APP: variants seen among roughly 807,000 people sequenced by gnomAD.
APP encodes amyloid beta precursor protein.
In APP, 31 loss-of-function variants were observed where a neutral mutation model predicts 101.4. The observed-to-expected ratio is 0.31, with a 90% confidence interval of 0.23 to 0.41. The LOEUF is 0.41. Among genes scored for constraint, APP ranks in the 10% least tolerant of loss-of-function variants. The pLI is 1.00. For missense variants in APP, 839 were observed against 1,003.7 expected, an observed-to-expected ratio of 0.84 and a Z score of 2.22; for synonymous variants, 366 against 364.4, an observed-to-expected ratio of 1.00 and a Z score of -0.05.
intron 13 of APP, chr21:25,942,488 C>A (rs187378715): frequency 6.6e-6 from 1 of 152,306 alleles, no homozygotes; most frequent in South Asian, 2.1e-4. Flanking sequence ...AACGAGACTA[C>A]CAAATGCTAC....
chr21:25,981,553 T>C (rs997755862), intron 9 of APP, among the ~76,000 whole-genome samples: 14 of 152,248 alleles, frequency 9.2e-5, no homozygotes, highest in Non-Finnish European at 1.8e-4. Flanking sequence ...AAATCCTCCA[T>C]ATTATCAAAC....
chr21:26,039,151 C>A (rs886724291), intron 5 of APP, among the ~76,000 whole-genome samples: 2 of 152,184 alleles, frequency 1.3e-5, no homozygotes, highest in Non-Finnish European at 2.9e-5. Flanking sequence ...TGCAATACTG[C>A]CCTTTCCTTC....
intron 15 of APP, among the ~76,000 whole-genome samples, chr21:25,903,291 C>A (rs1305163377): frequency 6.6e-6 from 1 of 151,114 alleles, no homozygotes; most frequent in Non-Finnish European, 1.5e-5. Context: ...ATTGCTTGAA[C>A]CCCCGAGGCA....
In APP at chr21:25,982,446, G is replaced by A. The variant is rs780257087; in HGVS notation, c.1122C>T (p.Ala374=). Residue 374 remains alanine, a synonymous_variant, in exon 9 of 18, where the codon GCC becomes GCT. Transcript: ENST00000346798. ...CAGGTGTCTCGAGATACTTGTCAAC[G>A]GCATCAGGGGTACTGGCTGCTGTTG... ...LPTTAASTPD[A]VDKYLETPGD... is the part of the protein sequence containing the mutation. 24 of 1,613,588 alleles carry A rather than the reference G, an allele frequency of 1.5e-5. No homozygotes were observed. The highest frequency in any genetic ancestry group is 9.4e-5 in the African/African-American group (7 of 74,826).
intron 13 of APP, among the ~76,000 whole-genome samples, chr21:25,930,659 TATATATG>T (rs1390212421): frequency 6.6e-6 from 1 of 152,190 alleles, no homozygotes; most frequent in Non-Finnish European, 1.5e-5. Context: ...ATCATCCTTG[TATATATG>T]ATAGCTCATT....
At chr21:26,038,506 G>C (rs1038421493) in intron 5 of APP, among the ~76,000 whole-genome samples, 5 of 152,202 alleles carry the variant, frequency 3.3e-5, no homozygotes, top group African/African-American at 1.2e-4. Context: ...TCTCACGCCT[G>C]TAATCCCAGC....
rs991789716 is a variant in APP, at chr21:25,930,381, C to T, written c.1688-18419G>A. The stretch of plus-strand genomic sequence containing the variant: ...ACTCCGCCATGCTGTGAAGAAAGTG[C>T]ATTCTAATTGATTCATGTTGATACA... On this transcript the variant is annotated intron_variant, in intron 13 of 17. Transcript: ENST00000346798. Among the ~76,000 whole-genome samples the T allele has an allele frequency of 1.2e-4, 19 of 152,250 alleles. No individual in the cohort carries two copies. In the East Asian group the frequency reaches 3.5e-3, roughly 28 times the overall value.
chr21:25,935,723 C>G (rs1403673931), intron 13 of APP, among the ~76,000 whole-genome samples: 1 of 151,234 alleles, frequency 6.6e-6, no homozygotes, highest in East Asian at 1.9e-4. Flanking sequence ...GCCTATAATC[C>G]CAGCTACTCA....
chr21:26,143,720 C>T (rs2146317713), intron 1 of APP, among the ~76,000 whole-genome samples: 1 of 152,304 alleles, frequency 6.6e-6, no homozygotes, highest in Middle Eastern at 3.4e-3. Context: ...CACATCCAAA[C>T]CCTGGTAACA....
intron 11 of APP, among the ~76,000 whole-genome samples, chr21:25,965,788 T>TA (rs2041774414): frequency 1.3e-5 from 2 of 152,240 alleles, no homozygotes; most frequent in Non-Finnish European, 2.9e-5. Context: ...TCTTTAAATG[T>TA]GCTATTTGTC....
chr21:25,911,900 G>C lies in APP; in HGVS notation c.1750C>G (p.Pro584Ala), dbSNP rs748858141. 6.2e-7 allele frequency: 1 copy of C among 1,614,122 alleles called. No homozygotes were observed. The highest frequency in any genetic ancestry group is 1.7e-5 in the Admixed American group (1 of 60,024). The change falls in exon 14 of 18, where the codon CCA (proline) becomes GCA (alanine). Residue 584 changes from proline (P) to alanine (A), a missense_variant. Physicochemically the swap from Pro to Ala is conservative, Grantham distance 27. Coordinates refer to ENST00000346798, the MANE Select transcript of APP (RefSeq NM_000484.4). ...DDVLANMISE[P>A]RISYGNDALM... is the part of the protein sequence containing the mutation. Reference sequence around the variant, plus strand: ...GCATCGTTTCCGTAACTGATCCTTGGTTCACTAATCATGTTGGCCAAGACG... The same window carrying C: ...GCATCGTTTCCGTAACTGATCCTTGCTTCACTAATCATGTTGGCCAAGACG...
intron 1 of APP, among the ~76,000 whole-genome samples, chr21:26,166,403 C>T (rs1012101926): frequency 1.3e-5 from 2 of 152,132 alleles, no homozygotes; most frequent in Non-Finnish European, 2.9e-5. Flanking sequence ...CATTTCCCAT[C>T]CATCCCCACT....
chr21:26,151,974 C>T (rs2063280186), intron 1 of APP, among the ~76,000 whole-genome samples: 1 of 151,954 alleles, frequency 6.6e-6, no homozygotes, highest in Admixed American at 6.6e-5. Flanking sequence ...CTAGAAATGC[C>T]AAATAAAAAA....
At chr21:26,031,756 T>C (rs1318667198) in intron 5 of APP, among the ~76,000 whole-genome samples, 1 of 152,112 alleles carries the variant, frequency 6.6e-6, no homozygotes, top group Non-Finnish European at 1.5e-5. Flanking sequence ...TTGAAGTTGA[T>C]ATTTGAATGG....
intron 5 of APP, among the ~76,000 whole-genome samples, chr21:26,024,364 G>C (rs1375090192): frequency 6.6e-6 from 1 of 152,146 alleles, no homozygotes; most frequent in Non-Finnish European, 1.5e-5. Context: ...CCACAGAGCT[G>C]ATTCTGGCCA....
intron 1 of APP, among the ~76,000 whole-genome samples, chr21:26,145,954 T>A (rs1007408997): frequency 4.6e-5 from 7 of 152,208 alleles, no homozygotes; most frequent in Non-Finnish European, 1.0e-4. Context: ...AATAATGCTC[T>A]CATAATATCC....
intron 13 of APP, among the ~76,000 whole-genome samples, chr21:25,938,211 ACTCT>A (rs912656226): frequency 3.3e-5 from 5 of 152,030 alleles, no homozygotes; most frequent in Non-Finnish European, 7.3e-5. Context: ...ACCCAAATAA[ACTCT>A]CTATGCATCT....
At chr21:25,972,783 A>G (rs1241079590) in intron 11 of APP, among the ~76,000 whole-genome samples, 1 of 152,138 alleles carries the variant, frequency 6.6e-6, no homozygotes, top group South Asian at 2.1e-4. Context: ...CAGCACCCAA[A>G]ATGATGACTT....
At chr21:26,059,928 G>C (rs2046205369) in intron 3 of APP, among the ~76,000 whole-genome samples, 2 of 145,202 alleles carry the variant, frequency 1.4e-5, no homozygotes, top group South Asian at 4.5e-4. Context: ...AAAAAAGAGA[G>C]GGTGAGACTG....
Sources: allele counts gnomAD v4.1 joint callset (sites outside exome capture counted in the v4.1 genomes callset), GRCh38; gene constraint gnomAD v4.1.1; transcripts MANE v1.5; gene names NCBI Gene and HGNC (gene_info 2026-07-23, HGNC 2026-07-21).